Variants in MEGF6 observed in about 807,000 individuals in gnomAD.
MEGF6 encodes the protein multiple epidermal growth factor-like domains protein 6.
In MEGF6, 184 loss-of-function variants were observed where a neutral mutation model predicts 207.1. The ratio of observed to expected loss-of-function variants is 0.89; its 90% confidence interval spans 0.79 to 1.00. MEGF6 has a LOEUF of 1.00. Among genes scored for constraint, MEGF6 ranks in the 50% least tolerant of loss-of-function variants. The probability of loss-of-function intolerance (pLI) is 0.00; values close to 1 mark genes in which losing one functional copy is unlikely to be tolerated. For missense variants in MEGF6, 2,282 were observed against 2,202.9 expected (o/e 1.04, Z -0.72); for synonymous variants, 1,038 against 910.0 (o/e 1.14, Z -2.53).
intron 3 of MEGF6, among the ~76,000 whole-genome samples, chr1:3,589,426 G>A (rs909519636): frequency 1.5e-4 from 22 of 151,256 alleles, no homozygotes; most frequent in Admixed American, 7.9e-4. Context: ...TCAGGGCCCC[G>A]CACCTTCTGT....
At chr1:3,574,841 C>G (rs1241844751) in intron 4 of MEGF6, among the ~76,000 whole-genome samples, 1 of 152,280 alleles carries the variant, frequency 6.6e-6, no homozygotes, top group East Asian at 1.9e-4. Context: ...CGGGGTTTCA[C>G]CATGTTGCTC....
intron 4 of MEGF6, among the ~76,000 whole-genome samples, chr1:3,570,222 C>G (rs1436729598): frequency 6.6e-6 from 1 of 152,212 alleles, no homozygotes; most frequent in Non-Finnish European, 1.5e-5. Context: ...AGTCAGGCAC[C>G]TGCCCCACCC....
intron 9 of MEGF6, 49 bp from the exon 10 acceptor site, chr1:3,510,951 C>A: frequency 7.2e-7 from 1 of 1,391,542 alleles, no homozygotes; most frequent in South Asian, 1.4e-5. Flanking sequence ...CCTGCACGTG[C>A]ACACGCCCCC....
chr1:3,530,561 G>A lies in MEGF6; in HGVS notation c.482-6315C>T, dbSNP rs540381072. On this transcript the variant is annotated intron_variant, in intron 4 of 36. Transcript: ENST00000356575. ...TCCCAGCTGCAGAGAGAGGCAGGAC[G>A]GAACGAGAGCAGGGCTGTAACCTGC... Among the ~76,000 whole-genome samples, 35 of 152,324 alleles carry A rather than the reference G, an allele frequency of 2.3e-4. 1 individual carries two copies. The highest frequency in any genetic ancestry group is 7.5e-4 in the African/African-American group (31 of 41,578).
intron 1 of MEGF6, among the ~76,000 whole-genome samples, chr1:3,605,991 C>CT (rs1443634809): frequency 6.6e-6 from 1 of 152,264 alleles, no homozygotes; most frequent in Non-Finnish European, 1.5e-5. Context: ...CAGTGCCACC[C>CT]TGTCCTCCTC....
At chr1:3,588,789 T>C (rs374274704) in intron 3 of MEGF6, among the ~76,000 whole-genome samples, 16 of 152,108 alleles carry the variant, frequency 1.1e-4, no homozygotes, top group African/African-American at 3.9e-4. Flanking sequence ...CCCTTCTCTC[T>C]GCCCCTCCTG....
chr1:3,541,693 T>G lies in MEGF6; in HGVS notation c.482-17447A>C, dbSNP rs535724578. Among the ~76,000 whole-genome samples the G allele has an allele frequency of 1.1e-4, 16 of 150,818 alleles. No homozygotes were observed. The East Asian group carries it at 3.2e-3, about 30-fold the overall frequency. Reference sequence around the variant, plus strand: ...CATGCCTTCCTCTCCCTGGGGACAGTGGGAACCTGGCAGTGCCCTCAGGCA... The same window carrying G: ...CATGCCTTCCTCTCCCTGGGGACAGGGGGAACCTGGCAGTGCCCTCAGGCA... On this transcript the variant is annotated intron_variant, in intron 4 of 36. Coordinates refer to ENST00000356575, the MANE Select transcript of MEGF6 (RefSeq NM_001409.4).
intron 4 of MEGF6, among the ~76,000 whole-genome samples, chr1:3,549,082 C>T (rs962634103): frequency 2.0e-5 from 3 of 152,172 alleles, no homozygotes; most frequent in East Asian, 3.9e-4. Context: ...CCAGGCCGGG[C>T]TGAGCTCTAA....
intron 5 of MEGF6, among the ~76,000 whole-genome samples, chr1:3,518,240 C>T (rs1641616692): frequency 6.6e-6 from 1 of 151,960 alleles, no homozygotes; most frequent in Non-Finnish European, 1.5e-5. Flanking sequence ...TAGGAAGAGA[C>T]ACAGAGCACT....
rs552901382 is a variant in MEGF6 at position 3,522,959 on chromosome 1, G to A, written c.604+1165C>T. ...GGGCTGGGGCCGCACCCCCGTCTCC[G>A]TTGTCCGGAAGCACATCACAACATT... On this transcript the variant is annotated intron_variant, in intron 5 of 36. Coordinates refer to ENST00000356575, the MANE Select transcript of MEGF6 (RefSeq NM_001409.4). Among the ~76,000 whole-genome samples, 590 of 152,306 alleles carry A rather than the reference G, an allele frequency of 3.9e-3. 3 individuals carry two copies. Among genetic ancestry groups the A allele is most frequent in the South Asian group, 9.1e-3 (44 of 4,832 alleles).
intron 5 of MEGF6, among the ~76,000 whole-genome samples, chr1:3,519,853 TA>T: frequency 6.6e-6 from 1 of 152,122 alleles, no homozygotes; most frequent in African/African-American, 2.4e-5. Context: ...CAGGCCTGGG[TA>T]GGGAAGAGTC....
chr1:3,490,739 G>C (rs544019857), intron 36 of MEGF6, 150 bp from the exon 37 acceptor site: 2 of 1,191,168 alleles, frequency 1.7e-6, no homozygotes, highest in South Asian at 2.7e-5. Flanking sequence ...TTCCCAGCCT[G>C]TCCTTCCCAG....
chr1:3,548,214 A>C (rs147059262), intron 4 of MEGF6, among the ~76,000 whole-genome samples: 3 of 152,148 alleles, frequency 2.0e-5, no homozygotes, highest in Admixed American at 6.5e-5. Flanking sequence ...TCCCACCAGC[A>C]CCCCAGACAG....
Position 3,501,873 on chromosome 1 carries a change from CAGG to C in MEGF6, c.2234_2236del (p.Ser745del). 1 of 1,608,760 alleles carries C rather than the reference CAGG, an allele frequency of 6.2e-7. No homozygotes were observed. The highest frequency in any genetic ancestry group is 8.5e-7 in the Non-Finnish European group (1 of 1,178,574). On this transcript the variant is annotated inframe_deletion, in exon 18 of 37. Transcript: ENST00000356575. ...GACCCCGTGGCAGGGGGCCCCCCCACAGGAGCAGGAGCTCGAGCAGTTCACGCC... is the reference window on the plus strand; with the variant it reads ...GACCCCGTGGCAGGGGGCCCCCCCACAGCAGGAGCTCGAGCAGTTCACGCC...
chr1:3,500,567 A>G (rs2821031), intron 21 of MEGF6, 66 bp downstream of exon 21: 1,231,556 of 1,488,342 alleles, frequency 0.83, 512,248 homozygotes, highest in South Asian at 0.86. Flanking sequence ...GTGTGTGTGC[A>G]CGTGTGCATA....
At chr1:3,555,013 C>T (rs1642993027) in intron 4 of MEGF6, among the ~76,000 whole-genome samples, 1 of 152,178 alleles carries the variant, frequency 6.6e-6, no homozygotes, top group Admixed American at 6.5e-5. Context: ...CCAGGTCCTG[C>T]CCGGCCCTCT....
chr1:3,573,812 A>G lies in MEGF6; in HGVS notation c.481+6013T>C, dbSNP rs1643574379. 1.3e-5 allele frequency among the ~76,000 whole-genome samples: 2 copies of G among 152,164 alleles called. No individual in the cohort carries two copies. The highest frequency in any genetic ancestry group is 4.1e-4 in the South Asian group (2 of 4,830). ...GCGTCTGGAGCTCGGGCGAGGGGTCAGACTCCCACCCTCAGACACAGTGGG... is the reference window on the plus strand; with the variant it reads ...GCGTCTGGAGCTCGGGCGAGGGGTCGGACTCCCACCCTCAGACACAGTGGG... On this transcript the variant is annotated intron_variant, in intron 4 of 36. Transcript: ENST00000356575. The surrounding 1 kb of genome is among the most constrained non-coding windows in gnomAD (Gnocchi z 5.1).
intron 1 of MEGF6, among the ~76,000 whole-genome samples, chr1:3,610,767 CG>C (rs1357987202): frequency 1.3e-5 from 2 of 152,242 alleles, no homozygotes; most frequent in Non-Finnish European, 1.5e-5. Flanking sequence ...TGGAGGGAAG[CG>C]GGAACAGACG....
chr1:3,583,142 G>A (rs549375910), intron 3 of MEGF6, among the ~76,000 whole-genome samples: 2 of 152,154 alleles, frequency 1.3e-5, no homozygotes, highest in Admixed American at 6.5e-5. Context: ...CCCAAGGGGT[G>A]GAAAAATACT....
Sources: gnomAD v4.1 joint callset for allele counts (sites outside exome capture counted in the v4.1 genomes callset) on GRCh38, gnomAD v4.1.1 for gene constraint, Gnocchi (gnomAD v3.1) non-coding constraint, MANE v1.5 for transcripts, NCBI Gene and HGNC (gene_info 2026-07-23, HGNC 2026-07-21) for gene names.